SEMA4D: variants seen among roughly 807,000 people sequenced by gnomAD.
SEMA4D encodes the protein semaphorin-4D.
In SEMA4D, 22 loss-of-function variants were observed where a neutral mutation model predicts 74.8. That is an observed-to-expected ratio of 0.29 (90% CI 0.21 to 0.42). The LOEUF (loss-of-function observed/expected upper bound fraction) is 0.42, where lower values mean the gene tolerates loss of function less well. Ranked by LOEUF, SEMA4D falls within the 10% of genes least tolerant of loss-of-function variation. The pLI is 1.00. For missense variants in SEMA4D, 937 were observed against 1,118.4 expected (o/e 0.84, Z 2.31); for synonymous variants, 445 against 463.7 (o/e 0.96, Z 0.52).
At chr9:89,452,183 T>TTTG (rs896264809) in intron 2 of SEMA4D, among the ~76,000 whole-genome samples, 14 of 8,254 alleles carry the variant, frequency 1.7e-3, no homozygotes, top group Admixed American at 7.3e-3. Flanking sequence ...GTTTTTTTTG[T>TTTG]TTTTTTTTTT....
rs574357720 is a variant in SEMA4D at position 89,491,427 on chromosome 9, G to A, written c.-310+6492C>T. On this transcript the variant is annotated intron_variant, in intron 1 of 15. Transcript: ENST00000422704. ...TCTACTAAAATACAAAAAATTAGCCGGGCATGGTGGCGTGTGCCTGTAGTC... is the reference window on the plus strand; with the variant it reads ...TCTACTAAAATACAAAAAATTAGCCAGGCATGGTGGCGTGTGCCTGTAGTC... 7.2e-5 allele frequency among the ~76,000 whole-genome samples: 11 copies of A among 152,262 alleles called. No individual in the cohort carries two copies. In the South Asian group the frequency reaches 8.3e-4, roughly 11 times the overall value.
intron 2 of SEMA4D, among the ~76,000 whole-genome samples, chr9:89,448,998 T>C (rs1244967032): frequency 1.3e-5 from 2 of 152,294 alleles, no homozygotes; most frequent in East Asian, 1.9e-4. Context: ...CGCCCATTGA[T>C]GCATTCAGGG....
exon 19 of SEMA4D, chr9:89,362,411 G>A (rs755196536): frequency 3.1e-6 from 5 of 1,614,072 alleles, no homozygotes; most frequent in Non-Finnish European, 4.2e-6. Context: ...GCTACAGGGT[G>A]TCCTTGCTAC....
Position 89,455,870 on chromosome 9 carries a change from C to T in SEMA4D, c.-244+18G>A, listed in dbSNP as rs1427244623. On this transcript the variant is annotated intron_variant, in intron 2 of 15. Transcript: ENST00000422704. ...GGAACCATGGCTCTCAGGCAGACGC[C>T]GAGACGCCGACACTTACCAAACCAT... 2 of 152,226 alleles carry T rather than the reference C, an allele frequency of 1.3e-5. No individual in the cohort carries two copies. The highest frequency in any genetic ancestry group is 4.8e-5 in the African/African-American group (2 of 41,456). 9.4% of individuals were successfully genotyped at this position (152,226 alleles called of 1,614,324 possible).
In SEMA4D at chr9:89,396,934, A is replaced by G. The variant is rs1029820482; in HGVS notation, c.316-99T>C. 5.5e-5 allele frequency: 58 copies of G among 1,057,772 alleles called. No individual in the cohort carries two copies. The African/African-American group carries it at 8.2e-4, about 15-fold the overall frequency. The allele number at this position is 1,057,772 out of a possible 1,614,324, so 65.5% of individuals were successfully genotyped here. ...GTTCATCTCAGGGGCACAGACCCAC[A>G]TTCACCAACACCAGCTCACAGGTGG... On this transcript the variant is annotated intron_variant, in intron 5 of 15. Transcript: ENST00000422704.
chr9:89,415,288 G>A (rs1206668607), intron 2 of SEMA4D, among the ~76,000 whole-genome samples: 1 of 152,174 alleles, frequency 6.6e-6, no homozygotes, highest in African/African-American at 2.4e-5. Context: ...ATCTCTAAGG[G>A]GGCCAACGGT....
intron 3 of SEMA4D, among the ~76,000 whole-genome samples, chr9:89,403,462 A>C (rs1310959935): frequency 6.6e-6 from 1 of 152,216 alleles, no homozygotes; most frequent in Non-Finnish European, 1.5e-5. Context: ...TTTCTTATTC[A>C]GGAAAAGAAT....
intron 2 of SEMA4D, among the ~76,000 whole-genome samples, chr9:89,453,324 C>T (rs1855082274): frequency 6.6e-6 from 1 of 152,256 alleles, no homozygotes; most frequent in African/African-American, 2.4e-5. Flanking sequence ...TCACTTTCTG[C>T]ACTCAACTCC....
intron 1 of SEMA4D, among the ~76,000 whole-genome samples, chr9:89,494,592 G>C (rs1019630889): frequency 3.9e-5 from 6 of 152,228 alleles, no homozygotes; most frequent in African/African-American, 1.2e-4. Context: ...TTTGAATGAT[G>C]CCATCATGAA....
In SEMA4D at chr9:89,452,182, GT is replaced by G. The variant is rs748453753; in HGVS notation, c.-244+3705del. On this transcript the variant is annotated intron_variant, in intron 2 of 15. Transcript: ENST00000422704. ...TCTATGTCCTGTCTTGGTTTTTTTT[GT>G]TTTTTTTTTTTTTGAGATGGAGTCT... Among the ~76,000 whole-genome samples the G allele has an allele frequency of 1.3e-4, 17 of 135,406 alleles. No individual in the cohort carries two copies. In the South Asian group the frequency reaches 1.4e-3, roughly 11 times the overall value. The allele number at this position is 135,406 out of a possible 152,430, so 88.8% of individuals were successfully genotyped here.
chr9:89,475,708 C>T lies in SEMA4D; in HGVS notation c.-309-19755G>A, dbSNP rs117654263. ...TCTCCCGCCTCGCTGTGACTGTTTA[C>T]GGTAGAATTCACAGGATGGCACACA... On this transcript the variant is annotated intron_variant, in intron 1 of 15. Coordinates refer to ENST00000422704, the MANE Select transcript of SEMA4D (RefSeq NM_001371194.2). Among the ~76,000 whole-genome samples, 370 of 152,290 alleles carry T rather than the reference C, an allele frequency of 2.4e-3. 12 individuals are homozygous for T. In the East Asian group the frequency reaches 0.062, roughly 25 times the overall value.
intron 6 of SEMA4D, 70 bp from the exon 7 acceptor site, chr9:89,393,725 C>T (rs1370461594): frequency 5.7e-6 from 7 of 1,228,932 alleles, no homozygotes; most frequent in Non-Finnish European, 7.2e-6. Context: ...TGTCTCTGTA[C>T]CACTTCATTT....
rs73654790 is a variant in SEMA4D, at chr9:89,431,284, C to A, written c.-244+24604G>T. On this transcript the variant is annotated intron_variant, in intron 2 of 15. Transcript: ENST00000422704. ...TGCTCCTGCTCCTGCGGGTGAGCCA[C>A]CCGGGGCACACCCAGGGCTGGCTAG... is the stretch of plus-strand genomic sequence containing the variant. Among the ~76,000 whole-genome samples the A allele has an allele frequency of 9.0e-3, 1,363 of 152,248 alleles. 21 individuals are homozygous for A. Among genetic ancestry groups the A allele is most frequent in the African/African-American group, 0.031 (1,291 of 41,544 alleles).
At chr9:89,393,126 T>C (rs1368264401) in intron 7 of SEMA4D, among the ~76,000 whole-genome samples, 1 of 152,222 alleles carries the variant, frequency 6.6e-6, no homozygotes, top group African/African-American at 2.4e-5. Flanking sequence ...TTCAGCTGCA[T>C]TTTAAGAGTC....
intron 1 of SEMA4D, among the ~76,000 whole-genome samples, chr9:89,497,077 C>T: frequency 6.6e-6 from 1 of 152,238 alleles, no homozygotes; most frequent in Non-Finnish European, 1.5e-5. Flanking sequence ...TTGACGCAAA[C>T]TGCCCACTTA....
chr9:89,431,956 A>G (rs1587842677), intron 2 of SEMA4D, among the ~76,000 whole-genome samples: 1 of 152,152 alleles, frequency 6.6e-6, no homozygotes, highest in East Asian at 1.9e-4. Context: ...TGGTTCATCT[A>G]TGCTATCCTC....
chr9:89,405,434 C>A lies in SEMA4D; in HGVS notation c.23G>T (p.Arg8Met). MRMCTPI[R>M]GLLMALAVMF... is the part of the protein sequence containing the mutation. ...CACTGCAAGGGCCATGAGCAGCCCCCTAATGGGGGTGCACATCCTCATCAG... is the reference window on the plus strand; with the variant it reads ...CACTGCAAGGGCCATGAGCAGCCCCATAATGGGGGTGCACATCCTCATCAG... The change falls in exon 3 of 16, where the codon AGG becomes ATG. Residue 8 changes from arginine to methionine, a missense_variant. Physicochemically the swap from Arg to Met is moderately conservative, Grantham distance 91 (BLOSUM62 -1). Transcript: ENST00000422704. The A allele has an allele frequency of 6.2e-7, 1 of 1,613,924 alleles. No individual in the cohort carries two copies. Among genetic ancestry groups the A allele is most frequent in the South Asian group, 1.1e-5 (1 of 91,086 alleles).
chr9:89,381,504 C>T lies in SEMA4D; in HGVS notation c.1447-158G>A, dbSNP rs1837055705. On this transcript the variant is annotated intron_variant, in intron 13 of 15. Coordinates refer to ENST00000422704, the MANE Select transcript of SEMA4D (RefSeq NM_001371194.2). This position sits in a 1 kb window ranked among gnomAD's most constrained non-coding sequence, Gnocchi z 4.6. ...TACTCAGAACCAGAGGCAAACAAGG[C>T]AGGTCTGTGACCTTCCTGCAGAATC... The T allele has an allele frequency of 3.0e-6, 2 of 672,286 alleles. No individual in the cohort carries two copies. The highest frequency in any genetic ancestry group is 5.9e-5 in the South Asian group (2 of 33,948). 41.6% of individuals were successfully genotyped at this position (672,286 alleles called of 1,614,324 possible). A position where few individuals can be genotyped will look rare whatever the true frequency, so the allele number is the denominator to read the frequency against.
Position 89,423,748 on chromosome 9 carries a change from T to A in SEMA4D, c.-243-18049A>T, listed in dbSNP as rs148814647. ...CCCTCAGTACTTCACCTCCCCCGGC[T>A]ATTACCTCAGCACCTCCCCTCCCTC... is the stretch of plus-strand genomic sequence containing the variant. On this transcript the variant is annotated intron_variant, in intron 2 of 15. Transcript: ENST00000422704. Among the ~76,000 whole-genome samples, 317 of 146,560 alleles carry A rather than the reference T, an allele frequency of 2.2e-3. 1 individual carries two copies. The highest frequency in any genetic ancestry group is 7.3e-3 in the African/African-American group (286 of 39,026).
Sources: allele counts gnomAD v4.1 joint callset (sites outside exome capture counted in the v4.1 genomes callset), GRCh38; gene constraint gnomAD v4.1.1; non-coding constraint Gnocchi (gnomAD v3.1); transcripts MANE v1.5; gene names NCBI Gene and HGNC (gene_info 2026-07-23, HGNC 2026-07-21).